CACNA1D: variants seen among roughly 807,000 people sequenced by gnomAD.
The protein encoded by CACNA1D is calcium voltage-gated channel subunit alpha1 D.
Under a neutral mutation model 257.1 loss-of-function variants are expected in CACNA1D, and 55 were observed. The observed-to-expected ratio is 0.21, with a 90% CI of 0.17 to 0.27. CACNA1D has a LOEUF of 0.27. CACNA1D is among the 10% of genes least tolerant of loss of function. The pLI is 1.00. For synonymous variants in CACNA1D, 980 were observed against 1,014.9 expected, an observed-to-expected ratio of 0.97 and a Z score of 0.65; for missense variants, 1,876 against 2,784.0, an observed-to-expected ratio of 0.67 and a Z score of 7.34.
chr3:53,808,744 C>T lies in CACNA1D; in HGVS notation c.5845C>T (p.Leu1949=). The T allele has an allele frequency of 6.2e-7, 1 of 1,608,154 alleles. No homozygotes were observed. The highest frequency in any genetic ancestry group is 8.5e-7 in the Non-Finnish European group (1 of 1,180,012). The change falls in exon 46 of 48, where the codon CTG becomes TTG. Residue 1949 remains leucine, a synonymous_variant. Transcript: ENST00000350061. ...TCCCATCTTCCCCCATCGCACGGCC[C>T]TGCCTCTGCATCTAATGCAGCAACA... The part of the protein sequence containing the change: ...SSPIFPHRTA[L]PLHLMQQQIM...
chr3:53,779,773 C>T (rs1448233089), intron 37 of CACNA1D, among the ~76,000 whole-genome samples: 1 of 152,314 alleles, frequency 6.6e-6, no homozygotes, highest in Middle Eastern at 3.4e-3. Context: ...TCTACCAATT[C>T]ACATGCTAAT....
chr3:53,788,844 C>G (rs1228241243), intron 40 of CACNA1D, among the ~76,000 whole-genome samples: 2 of 152,174 alleles, frequency 1.3e-5, no homozygotes, highest in South Asian at 4.1e-4. Flanking sequence ...GAGAATCTTG[C>G]ATTTTCTGTG....
chr3:53,593,689 C>G (rs1001402797), intron 3 of CACNA1D, among the ~76,000 whole-genome samples: 1 of 152,144 alleles, frequency 6.6e-6, no homozygotes, highest in Non-Finnish European at 1.5e-5. Context: ...TATTCTTCCC[C>G]CTCAAAGTGT....
intron 3 of CACNA1D, among the ~76,000 whole-genome samples, chr3:53,552,818 A>G (rs1163541026): frequency 6.6e-6 from 1 of 152,186 alleles, no homozygotes; most frequent in East Asian, 1.9e-4. Context: ...CCATACACTA[A>G]AAGGATTTAC....
intron 3 of CACNA1D, among the ~76,000 whole-genome samples, chr3:53,597,825 C>T (rs60686645): frequency 0.018 from 2,667 of 152,296 alleles, 73 homozygotes; most frequent in African/African-American, 0.061. Context: ...CAGCTGAGGC[C>T]TGAATGTGCA....
chr3:53,789,944 T>G lies in CACNA1D; in HGVS notation c.4923+2992T>G, dbSNP rs1273825021. Among the ~76,000 whole-genome samples the G allele has an allele frequency of 6.6e-6, 1 of 152,188 alleles. No homozygotes were observed. The highest frequency in any genetic ancestry group is 1.5e-5 in the Non-Finnish European group (1 of 68,038). ...TGGCTTGAGCTCCTGGATCCATGTG[T>G]GGGAAGGAGCTCGGCATCCGGTGTC... On this transcript the variant is annotated intron_variant, in intron 40 of 47. Coordinates refer to ENST00000350061, the MANE Select transcript of CACNA1D (RefSeq NM_001128840.3). The surrounding 1 kb of genome is among the most constrained non-coding windows in gnomAD (Gnocchi z 4.2).
intron 8 of CACNA1D, among the ~76,000 whole-genome samples, chr3:53,691,748 T>A (rs1447629217): frequency 3.0e-5 from 3 of 98,456 alleles, no homozygotes; most frequent in African/African-American, 8.9e-5. Context: ...ATTACATATA[T>A]AATATATATT....
At chr3:53,677,035 C>A (rs1022830176) in intron 8 of CACNA1D, among the ~76,000 whole-genome samples, 2 of 152,178 alleles carry the variant, frequency 1.3e-5, no homozygotes, top group African/African-American at 4.8e-5. Context: ...TACACGTGGT[C>A]TTCTAGAAGT....
In CACNA1D at chr3:53,813,293, TG is replaced by T. The variant is rs1485303913; in HGVS notation, c.*1888del. The T allele has an allele frequency of 6.6e-6, 1 of 152,184 alleles. No homozygotes were observed. Among genetic ancestry groups the T allele is most frequent in the East Asian group, 1.9e-4 (1 of 5,204 alleles). The allele number at this position is 152,184 out of a possible 1,614,324, so 9.4% of individuals were successfully genotyped here. On this transcript the variant is annotated 3_prime_UTR_variant, in exon 48 of 48. Coordinates refer to ENST00000350061, the MANE Select transcript of CACNA1D (RefSeq NM_001128840.3). ...AATCCTTTTTTATTAAAATGCAAAATGTTCTTCAGAATAAAACTGTGTAATA... is the reference window on the plus strand; with the variant it reads ...AATCCTTTTTTATTAAAATGCAAAATTTCTTCAGAATAAAACTGTGTAATA...
chr3:53,660,039 A>G (rs1412067280), intron 4 of CACNA1D, 94 bp from the exon 5 acceptor site: 2 of 1,126,816 alleles, frequency 1.8e-6, no homozygotes, highest in Admixed American at 1.8e-5. Flanking sequence ...GCCACACAGA[A>G]TTAGCCCTTT....
At chr3:53,808,948 T>C (rs2095581860) in intron 46 of CACNA1D, 178 bp downstream of exon 46, 1 of 676,744 alleles carries the variant, frequency 1.5e-6, no homozygotes, top group South Asian at 1.9e-5. Flanking sequence ...AGTCCCATGC[T>C]GCCCAAGCTC....
At chr3:53,660,453 A>G (rs1053917715) in intron 5 of CACNA1D, among the ~76,000 whole-genome samples, 178 bp downstream of exon 5, 1 of 152,194 alleles carries the variant, frequency 6.6e-6, no homozygotes, top group Admixed American at 6.5e-5. Flanking sequence ...TTGGATCCCC[A>G]TGACAGAATG....
At chr3:53,733,499 A>G (rs1190270593) in intron 19 of CACNA1D, among the ~76,000 whole-genome samples, 2 of 152,172 alleles carry the variant, frequency 1.3e-5, no homozygotes, top group Non-Finnish European at 2.9e-5. Context: ...GTGATATTTT[A>G]TGGGTTGTAA....
At chr3:53,752,957 G>A (rs141696538) in intron 28 of CACNA1D, among the ~76,000 whole-genome samples, 1 of 152,334 alleles carries the variant, frequency 6.6e-6, no homozygotes, top group African/African-American at 2.4e-5. Flanking sequence ...TTGCCTAGTA[G>A]ATACTCTACG....
intron 15 of CACNA1D, among the ~76,000 whole-genome samples, chr3:53,727,751 A>G (rs1011830385): frequency 2.0e-5 from 3 of 151,926 alleles, no homozygotes; most frequent in Non-Finnish European, 2.9e-5. Context: ...CACTCATGAT[A>G]CTACATCTGG....
chr3:53,548,572 C>G (rs767308653), intron 3 of CACNA1D, among the ~76,000 whole-genome samples: 3 of 152,084 alleles, frequency 2.0e-5, no homozygotes, highest in Non-Finnish European at 2.9e-5. Flanking sequence ...GGTGGTGGCT[C>G]CAGAGTCTTA....
At chr3:53,502,525 T>A (rs1368977045) in intron 3 of CACNA1D, among the ~76,000 whole-genome samples, 1 of 151,996 alleles carries the variant, frequency 6.6e-6, no homozygotes, top group South Asian at 2.1e-4. Flanking sequence ...TCCATGGAAC[T>A]TCCTTTGGGA....
In CACNA1D at chr3:53,811,044, T is replaced by G. The variant is rs1452696003; in HGVS notation, c.6193-69T>G. 71 of 1,275,984 alleles carry G rather than the reference T, an allele frequency of 5.6e-5. No individual in the cohort carries two copies. In the East Asian group the frequency reaches 1.6e-3, roughly 29 times the overall value. 79.0% of individuals were successfully genotyped at this position (1,275,984 alleles called of 1,614,324 possible). On this transcript the variant is annotated intron_variant, in intron 47 of 47. Coordinates refer to ENST00000350061, the MANE Select transcript of CACNA1D (RefSeq NM_001128840.3). The surrounding 1 kb of genome is among the most constrained non-coding windows in gnomAD (Gnocchi z 4.2). ...GTTAAGTTAGCACTGGAGTTGATTT[T>G]TCTGTCGTCCCCCTGCCCTGCAAAG...
At chr3:53,709,223 G>A (rs530130536) in intron 9 of CACNA1D, among the ~76,000 whole-genome samples, 31 of 152,356 alleles carry the variant, frequency 2.0e-4, no homozygotes, top group African/African-American at 7.5e-4. Flanking sequence ...CTTTCTGTGT[G>A]TGAGACACTG....
Sources: gnomAD v4.1 joint callset for allele counts (sites outside exome capture counted in the v4.1 genomes callset) on GRCh38, gnomAD v4.1.1 for gene constraint, Gnocchi (gnomAD v3.1) non-coding constraint, MANE v1.5 for transcripts, NCBI Gene and HGNC (gene_info 2026-07-23, HGNC 2026-07-21) for gene names.